DIPK1A: variants seen among roughly 807,000 people sequenced by gnomAD.
DIPK1A encodes the protein divergent protein kinase domain 1A.
DIPK1A carries 27 observed loss-of-function variants against 40.8 expected under a neutral mutation model. That is an observed-to-expected ratio of 0.66 (90% CI 0.49 to 0.91). The LOEUF is 0.91. Ranked by LOEUF, DIPK1A falls within the 40% of genes least tolerant of loss-of-function variation. The pLI, the probability that DIPK1A is intolerant of heterozygous loss-of-function variation, is 0.00. For missense variants in DIPK1A, 412 were observed against 505.7 expected (o/e 0.81, Z 1.78); for synonymous variants, 166 against 171.3 (o/e 0.97, Z 0.24).
chr1:92,889,482 T>A (rs1196973460), intron 1 of DIPK1A, among the ~76,000 whole-genome samples: 1 of 152,210 alleles, frequency 6.6e-6, no homozygotes, highest in Non-Finnish European at 1.5e-5. Context: ...ATTCAGGGTC[T>A]CTTATAGTTC....
intron 1 of DIPK1A, among the ~76,000 whole-genome samples, chr1:92,928,220 C>A (rs1363355074): frequency 6.6e-6 from 1 of 152,150 alleles, no homozygotes; most frequent in African/African-American, 2.4e-5. Context: ...TTTTGTTTTA[C>A]TGGTTGCTTT....
chr1:92,915,740 AC>A (rs1334627652), intron 1 of DIPK1A, among the ~76,000 whole-genome samples: 1 of 152,240 alleles, frequency 6.6e-6, no homozygotes, highest in Non-Finnish European at 1.5e-5. Context: ...ACATAGGCTT[AC>A]AACATGACCC....
At chr1:92,942,383 T>C (rs1032159953) in intron 1 of DIPK1A, among the ~76,000 whole-genome samples, 4 of 152,202 alleles carry the variant, frequency 2.6e-5, no homozygotes, top group African/African-American at 7.2e-5. Flanking sequence ...AGATCTTTTA[T>C]AGGACAAAAG....
At chr1:92,877,200 G>T in intron 1 of DIPK1A, 1 of 891,056 alleles carries the variant, frequency 1.1e-6, no homozygotes, top group Non-Finnish European at 1.3e-6. Context: ...GCTGGTTGAT[G>T]CCTTTTTTCC....
At chr1:92,881,397 G>C (rs924647213) in intron 1 of DIPK1A, among the ~76,000 whole-genome samples, 2 of 149,718 alleles carry the variant, frequency 1.3e-5, no homozygotes, top group Non-Finnish European at 3.0e-5. Flanking sequence ...ATCTTTTTAA[G>C]AGGTGAATTT....
chr1:92,843,383 C>CT lies in DIPK1A; in HGVS notation c.1286dup (p.Ter429=), dbSNP rs1687453386. The CT allele has an allele frequency of 6.6e-7, 1 of 1,525,764 alleles. No homozygotes were observed. Among genetic ancestry groups the CT allele is most frequent in the South Asian group, 1.2e-5 (1 of 80,052 alleles). 94.5% of individuals were successfully genotyped at this position (1,525,764 alleles called of 1,614,324 possible). The change falls in exon 5 of 5, where the codon TAG becomes TAAG. Residue 429 remains the stop codon, a frameshift_variant and stop_retained_variant. Coordinates refer to ENST00000370310, the MANE Select transcript of DIPK1A (RefSeq NM_001006605.5). LOFTEE classifies it high-confidence loss of function. The part of the protein sequence containing the change: ...WKKISYTNDS[*] ...AAAATGGTAATTATGTCCAAATGAACTAAGAGTCATTAGTGTAGGAAATTT... is the reference window on the plus strand; with the variant it reads ...AAAATGGTAATTATGTCCAAATGAACTTAAGAGTCATTAGTGTAGGAAATTT...
At chr1:92,880,993 CA>C (rs1364632628) in intron 1 of DIPK1A, among the ~76,000 whole-genome samples, 1 of 151,486 alleles carries the variant, frequency 6.6e-6, no homozygotes, top group Non-Finnish European at 1.5e-5. Context: ...AGTTCGAGAC[CA>C]GCCTGGCCAA....
intron 4 of DIPK1A, chr1:92,833,795 G>A: frequency 1.4e-6 from 1 of 723,220 alleles, no homozygotes. Flanking sequence ...TTTCCTTTTA[G>A]TAGGTCTAGA....
intron 2 of DIPK1A, among the ~76,000 whole-genome samples, chr1:92,870,077 C>T (rs1318997135): frequency 1.6e-4 from 9 of 57,658 alleles, no homozygotes; most frequent in African/African-American, 2.8e-4. Context: ...ATTATATATA[C>T]ACACACACAC....
chr1:92,868,029 T>C (rs1341391207), intron 2 of DIPK1A, among the ~76,000 whole-genome samples: 1 of 152,212 alleles, frequency 6.6e-6, no homozygotes, highest in Admixed American at 6.5e-5. Flanking sequence ...AACGGATATG[T>C]CAGAGCATCA....
intron 1 of DIPK1A, among the ~76,000 whole-genome samples, chr1:92,916,302 CTTTT>C (rs869037202): frequency 2.2e-5 from 3 of 134,768 alleles, no homozygotes; most frequent in Non-Finnish European, 3.2e-5. Context: ...TCCTTTTTTT[CTTTT>C]TTTTTTTTTT....
At chr1:92,873,021 C>T (rs958745530) in intron 2 of DIPK1A, among the ~76,000 whole-genome samples, 3 of 152,194 alleles carry the variant, frequency 2.0e-5, no homozygotes, top group Non-Finnish European at 4.4e-5. Context: ...AGGGGCTTTC[C>T]GCCAACATAA....
At chr1:92,957,307 GC>G (rs1651892086) in intron 1 of DIPK1A, among the ~76,000 whole-genome samples, 1 of 152,194 alleles carries the variant, frequency 6.6e-6, no homozygotes, top group South Asian at 2.1e-4. Context: ...AGAAAATACT[GC>G]CTAAAAATGG....
chr1:92,895,030 A>G (rs1239557586), intron 1 of DIPK1A, among the ~76,000 whole-genome samples: 3 of 152,102 alleles, frequency 2.0e-5, no homozygotes, highest in African/African-American at 7.3e-5. Flanking sequence ...CTAACCAAAA[A>G]AAGTCCAGGA....
chr1:92,961,124 C>T (rs2100932429), intron 1 of DIPK1A, among the ~76,000 whole-genome samples: 1 of 151,196 alleles, frequency 6.6e-6, no homozygotes, highest in South Asian at 2.1e-4. Flanking sequence ...CGTACCCGGG[C>T]GGGACGACTC....
At chr1:92,890,505 G>T (rs1390078399) in intron 1 of DIPK1A, among the ~76,000 whole-genome samples, 3 of 152,076 alleles carry the variant, frequency 2.0e-5, no homozygotes, top group African/African-American at 7.2e-5. Flanking sequence ...TATCCAATTT[G>T]TTGAGAATTT....
chr1:92,860,646 A>AAAAAAAAAATAGCCAGGGG (rs148916481), intron 2 of DIPK1A, among the ~76,000 whole-genome samples: 7 of 105,214 alleles, frequency 6.7e-5, no homozygotes, highest in African/African-American at 7.5e-5. Context: ...AAAAAAAAAA[A>AAAAAAAAAATAGCCAGGGG]TGGTGGTGTG....
intron 2 of DIPK1A, among the ~76,000 whole-genome samples, chr1:92,855,596 C>T (rs746014286): frequency 2.0e-5 from 3 of 150,886 alleles, no homozygotes; most frequent in Non-Finnish European, 4.4e-5. Flanking sequence ...CCCAGCTACT[C>T]AGGAGGGTGA....
intron 1 of DIPK1A, among the ~76,000 whole-genome samples, chr1:92,893,122 C>T (rs1008487864): frequency 6.6e-6 from 1 of 151,660 alleles, no homozygotes; most frequent in Non-Finnish European, 1.5e-5. Context: ...GCAAGGCAGG[C>T]CAACATTCAG....
Sources: allele counts gnomAD v4.1 joint callset (sites outside exome capture counted in the v4.1 genomes callset), GRCh38; gene constraint gnomAD v4.1.1; transcripts MANE v1.5; gene names NCBI Gene and HGNC (gene_info 2026-07-23, HGNC 2026-07-21).